The following SH3RF3 variants were observed in gnomAD, a reference collection of about 807,000 sequenced individuals.
The protein encoded by SH3RF3 is E3 ubiquitin-protein ligase SH3RF3.
SH3RF3 carries 29 observed loss-of-function variants against 66.3 expected under a neutral mutation model. That is an observed-to-expected ratio of 0.44 (90% CI 0.33 to 0.60). SH3RF3 has a LOEUF of 0.60. Among genes scored for constraint, SH3RF3 ranks in the 20% least tolerant of loss-of-function variants. The pLI, the probability that SH3RF3 is intolerant of heterozygous loss-of-function variation, is 0.04. For synonymous variants in SH3RF3, 583 were observed against 532.0 expected, an observed-to-expected ratio of 1.10 and a Z score of -1.32; for missense variants, 1,194 against 1,190.9, an observed-to-expected ratio of 1.00 and a Z score of -0.04.
chr2:109,489,747 TG>T (rs1221336384), intron 8 of SH3RF3, among the ~76,000 whole-genome samples: 3 of 84,932 alleles, frequency 3.5e-5, no homozygotes, highest in African/African-American at 1.4e-4. Flanking sequence ...TGGCGGGGGG[TG>T]GGCGGGGGGG....
At chr2:109,201,221 T>C (rs986627773) in intron 1 of SH3RF3, among the ~76,000 whole-genome samples, 1 of 152,252 alleles carries the variant, frequency 6.6e-6, no homozygotes, top group Non-Finnish European at 1.5e-5. Flanking sequence ...GTTTTGCCTC[T>C]TCTGCACTTA....
chr2:109,490,785 C>T lies in SH3RF3; in HGVS notation c.2329C>T (p.Pro777Ser). 1 of 1,536,960 alleles carries T rather than the reference C, an allele frequency of 6.5e-7. No individual in the cohort carries two copies. The highest frequency in any genetic ancestry group is 8.7e-7 in the Non-Finnish European group (1 of 1,146,814). ...CATCCACGGCAGGGCAGGGTCCTGCCCCATAGAGAGCGAGATGCAGGGTGC... is the reference window on the plus strand; with the variant it reads ...CATCCACGGCAGGGCAGGGTCCTGCTCCATAGAGAGCGAGATGCAGGGTGC... ...LSIHGRAGSC[P>S]IESEMQGAMG... The change falls in exon 9 of 10, where the codon CCC becomes TCC. Residue 777 changes from proline to serine, a missense_variant. Physicochemically the swap from Pro to Ser is moderately conservative, Grantham distance 74 (BLOSUM62 -1). Coordinates refer to ENST00000309415, the MANE Select transcript of SH3RF3 (RefSeq NM_001099289.3).
chr2:109,379,359 G>T (rs1683459778), intron 3 of SH3RF3, among the ~76,000 whole-genome samples: 2 of 152,204 alleles, frequency 1.3e-5, no homozygotes, highest in Admixed American at 1.3e-4. Context: ...TAAAGTCATG[G>T]TTTACCATGG....
chr2:109,194,650 A>T (rs1678453112), intron 1 of SH3RF3, among the ~76,000 whole-genome samples: 1 of 152,176 alleles, frequency 6.6e-6, no homozygotes, highest in Non-Finnish European at 1.5e-5. Context: ...ACAGGAAGAG[A>T]TGGGTTTGGT....
chr2:109,273,547 G>A (rs534722442), intron 1 of SH3RF3, among the ~76,000 whole-genome samples: 3 of 152,366 alleles, frequency 2.0e-5, no homozygotes, highest in African/African-American at 7.2e-5. Flanking sequence ...CGTGTTTAGT[G>A]AATGCATGTG....
intron 8 of SH3RF3, among the ~76,000 whole-genome samples, chr2:109,451,639 GAC>G (rs1677869699): frequency 6.6e-6 from 1 of 152,254 alleles, no homozygotes; most frequent in African/African-American, 2.4e-5. Context: ...CTGCCTGTTA[GAC>G]ACTTTGTAAA....
At chr2:109,198,850 A>G (rs1248958779) in intron 1 of SH3RF3, among the ~76,000 whole-genome samples, 2 of 152,226 alleles carry the variant, frequency 1.3e-5, no homozygotes, top group African/African-American at 4.8e-5. Flanking sequence ...AGACCTGTGC[A>G]GGATGTGACT....
At chr2:109,296,809 C>T (rs956368134) in intron 1 of SH3RF3, among the ~76,000 whole-genome samples, 3 of 152,172 alleles carry the variant, frequency 2.0e-5, no homozygotes, top group African/African-American at 7.2e-5. Context: ...GGACACTGAC[C>T]ACACTAGCAG....
intron 1 of SH3RF3, among the ~76,000 whole-genome samples, chr2:109,199,592 T>TCAACCCGAGTGCA (rs1678604085): frequency 7.4e-3 from 1 of 136 alleles, no homozygotes; most frequent in South Asian, 0.25. Flanking sequence ...TGGAATGGAA[T>TCAACCCGAGTGCA]GGAATGGAAT....
chr2:109,490,866 T>A lies in SH3RF3; in HGVS notation c.2410T>A (p.Ser804Thr), dbSNP rs1282457139. ...KAGSLDLNFT[S>T]PSRQAPLSMA... Reference sequence around the variant, plus strand: ...AGGCTCCTTGGATCTAAACTTCACATCTCCTTCCCGGCAAGCTCCGCTGTC... The same window carrying A: ...AGGCTCCTTGGATCTAAACTTCACAACTCCTTCCCGGCAAGCTCCGCTGTC... Residue 804 changes from serine to threonine, a missense_variant, in exon 9 of 10, where the codon TCT becomes ACT. Physicochemically the swap from Ser to Thr is moderately conservative, Grantham distance 58. Coordinates refer to ENST00000309415, the MANE Select transcript of SH3RF3 (RefSeq NM_001099289.3). 6.5e-7 allele frequency: 1 copy of A among 1,535,178 alleles called. No homozygotes were observed. The highest frequency in any genetic ancestry group is 1.2e-5 in the South Asian group (1 of 83,804).
intron 1 of SH3RF3, among the ~76,000 whole-genome samples, chr2:109,267,362 G>T (rs1340869725): frequency 6.6e-6 from 1 of 152,174 alleles, no homozygotes; most frequent in East Asian, 1.9e-4. Flanking sequence ...GACCCCAAAG[G>T]TGATCACTGT....
chr2:109,245,254 G>T (rs1159924853), intron 1 of SH3RF3, among the ~76,000 whole-genome samples: 1 of 152,116 alleles, frequency 6.6e-6, no homozygotes, highest in Non-Finnish European at 1.5e-5. Flanking sequence ...GAGGTTTTCA[G>T]ACCACAGAGA....
chr2:109,500,191 T>C (rs926960925), intron 9 of SH3RF3, among the ~76,000 whole-genome samples: 1 of 152,052 alleles, frequency 6.6e-6, no homozygotes, highest in African/African-American at 2.4e-5. Flanking sequence ...CCTTGAGCTG[T>C]TAGAAGCTAT....
intron 1 of SH3RF3, among the ~76,000 whole-genome samples, chr2:109,312,576 T>G (rs1211841961): frequency 1.4e-5 from 2 of 147,548 alleles, no homozygotes; most frequent in Admixed American, 7.0e-5. Flanking sequence ...CTGCTTTCTT[T>G]CTCTGTGAAT....
intron 8 of SH3RF3, among the ~76,000 whole-genome samples, chr2:109,475,580 G>A (rs1024443673): frequency 1.3e-5 from 2 of 152,234 alleles, no homozygotes; most frequent in African/African-American, 4.8e-5. Flanking sequence ...CTGCCCTGTA[G>A]CCAGGGCTTC....
At chr2:109,272,590 T>C (rs1680651837) in intron 1 of SH3RF3, among the ~76,000 whole-genome samples, 1 of 152,232 alleles carries the variant, frequency 6.6e-6, no homozygotes, top group Non-Finnish European at 1.5e-5. Context: ...CTCGTTCCTT[T>C]GGAGACCCTG....
At chr2:109,372,714 A>T (rs1351145295) in intron 3 of SH3RF3, among the ~76,000 whole-genome samples, 1 of 152,060 alleles carries the variant, frequency 6.6e-6, no homozygotes, top group African/African-American at 2.4e-5. Context: ...CTGCTCTCAC[A>T]CCATATCCTG....
intron 1 of SH3RF3, among the ~76,000 whole-genome samples, chr2:109,284,915 C>A (rs1680992318): frequency 6.6e-6 from 1 of 152,236 alleles, no homozygotes; most frequent in South Asian, 2.1e-4. Context: ...TCGTCTGCTT[C>A]CCTGATGACA....
intron 1 of SH3RF3, among the ~76,000 whole-genome samples, chr2:109,307,355 C>A (rs1485924812): frequency 5.3e-5 from 8 of 151,958 alleles, no homozygotes; most frequent in Non-Finnish European, 1.2e-4. Flanking sequence ...AGGAGGGGAA[C>A]AATTTGTGGG....
Sources: allele counts gnomAD v4.1 joint callset (sites outside exome capture counted in the v4.1 genomes callset), GRCh38; gene constraint gnomAD v4.1.1; transcripts MANE v1.5; gene names NCBI Gene and HGNC (gene_info 2026-07-23, HGNC 2026-07-21).